The following TRAM2 variants were observed in gnomAD, a reference collection of about 807,000 sequenced individuals.
The protein encoded by TRAM2 is translocating chain-associated membrane protein 2.
TRAM2 carries 12 observed loss-of-function variants against 51.0 expected under a neutral mutation model. The ratio of observed to expected loss-of-function variants is 0.24; its 90% CI spans 0.15 to 0.38. The LOEUF (loss-of-function observed/expected upper bound fraction) is 0.38, where lower values mean the gene tolerates loss of function less well. Ranked by LOEUF, TRAM2 falls within the 10% of genes least tolerant of loss-of-function variation. The pLI, the probability that TRAM2 is intolerant of heterozygous loss-of-function variation, is 1.00. For missense variants in TRAM2, 361 were observed against 462.0 expected, an observed-to-expected ratio of 0.78 and a Z score of 2.00; for synonymous variants, 175 against 179.4, an observed-to-expected ratio of 0.98 and a Z score of 0.20.
intron 1 of TRAM2, among the ~76,000 whole-genome samples, chr6:52,573,640 G>C (rs1208389849): frequency 6.6e-6 from 1 of 152,194 alleles, no homozygotes; most frequent in Non-Finnish European, 1.5e-5. Flanking sequence ...GGTGAGGGGA[G>C]AGACAGCCTT....
Position 52,497,856 on chromosome 6 carries a change from T to G in TRAM2, c.*5341A>C, listed in dbSNP as rs2114049704. 1 of 152,332 alleles carries G rather than the reference T, an allele frequency of 6.6e-6. No homozygotes were observed. The highest frequency in any genetic ancestry group is 2.1e-4 in the South Asian group (1 of 4,826). 9.4% of individuals were successfully genotyped at this position (152,332 alleles called of 1,614,324 possible). A position where few individuals can be genotyped will look rare whatever the true frequency, so the allele number is the denominator to read the frequency against. ...TATTTACTGTCACAGCTAGACCCTA[T>G]CAGGTGAACAGGGCTCTCCACCTGC... On this transcript the variant is annotated 3_prime_UTR_variant, in exon 11 of 11. Coordinates refer to ENST00000182527, the MANE Select transcript of TRAM2 (RefSeq NM_012288.4).
At chr6:52,550,903 C>A (rs1223201837) in intron 1 of TRAM2, among the ~76,000 whole-genome samples, 1 of 152,184 alleles carries the variant, frequency 6.6e-6, no homozygotes, top group East Asian at 1.9e-4. Context: ...AATTATCCTC[C>A]ACACACATCC....
At chr6:52,543,257 C>T (rs1391836016) in intron 1 of TRAM2, among the ~76,000 whole-genome samples, 4 of 152,230 alleles carry the variant, frequency 2.6e-5, no homozygotes, top group Non-Finnish European at 4.4e-5. Context: ...CCTGCCCCCA[C>T]CAAGTAGCTT....
intron 2 of TRAM2, chr6:52,524,427 C>T (rs928635727): frequency 6.7e-6 from 1 of 149,480 alleles, no homozygotes; most frequent in African/African-American, 2.5e-5. Context: ...GGTGGGTACA[C>T]AAGACACAAC....
intron 2 of TRAM2, among the ~76,000 whole-genome samples, chr6:52,529,369 C>T (rs544334373): frequency 6.7e-6 from 1 of 150,362 alleles, no homozygotes; most frequent in African/African-American, 2.5e-5. Context: ...CCCTATCCTA[C>T]CTTTGAGGTT....
At chr6:52,550,472 A>G (rs1767287750) in intron 1 of TRAM2, among the ~76,000 whole-genome samples, 1 of 152,242 alleles carries the variant, frequency 6.6e-6, no homozygotes, top group African/African-American at 2.4e-5. Context: ...ATGCTACTCA[A>G]ATAAAAGAAT....
At chr6:52,550,084 C>A (rs1415682971) in intron 1 of TRAM2, among the ~76,000 whole-genome samples, 1 of 152,182 alleles carries the variant, frequency 6.6e-6, no homozygotes, top group African/African-American at 2.4e-5. Flanking sequence ...ACAGCTTCAC[C>A]TTTATGGAGT....
intron 1 of TRAM2, among the ~76,000 whole-genome samples, chr6:52,546,905 G>C (rs2268720): frequency 0.39 from 58,737 of 152,114 alleles, 11,519 homozygotes; most frequent in Admixed American, 0.52. Context: ...TGGGTCCCAA[G>C]TGCCTACAAC....
chr6:52,553,877 C>CT (rs1223573683), intron 1 of TRAM2, among the ~76,000 whole-genome samples: 5 of 152,250 alleles, frequency 3.3e-5, no homozygotes, highest in Admixed American at 3.3e-4. Context: ...GTCATTCTTC[C>CT]TCTTGTTTTT....
chr6:52,522,035 C>T (rs973796215), intron 2 of TRAM2, among the ~76,000 whole-genome samples: 2 of 152,164 alleles, frequency 1.3e-5, no homozygotes, highest in Admixed American at 6.5e-5. Flanking sequence ...ATACAGAGGC[C>T]CACTGCATTA....
chr6:52,510,770 T>C (rs1226115491), intron 4 of TRAM2, among the ~76,000 whole-genome samples: 2 of 152,178 alleles, frequency 1.3e-5, no homozygotes, highest in Admixed American at 6.5e-5. Flanking sequence ...TTAGAATTAA[T>C]AGTGTGGTGG....
chr6:52,509,576 A>G lies in TRAM2; in HGVS notation c.422T>C (p.Leu141Ser). Residue 141 changes from leucine (L) to serine (S), a missense_variant, in exon 5 of 11, where the codon TTA becomes TCA. Coordinates refer to ENST00000182527, the MANE Select transcript of TRAM2 (RefSeq NM_012288.4). Reference protein sequence around the residue: ...CFYVVVTEGYLTNPRSLWEDY... With the variant: ...CFYVVVTEGYSTNPRSLWEDY... Reference sequence around the variant, plus strand: ...TTCCCAGAGGCTTCTTGGGTTTGTTAAGTATCCTTCCTGCAGTGGGCAAGA... The same window carrying G: ...TTCCCAGAGGCTTCTTGGGTTTGTTGAGTATCCTTCCTGCAGTGGGCAAGA... The G allele has an allele frequency of 6.2e-7, 1 of 1,614,034 alleles. No individual in the cohort carries two copies. Among genetic ancestry groups the G allele is most frequent in the Non-Finnish European group, 8.5e-7 (1 of 1,179,986 alleles).
intron 7 of TRAM2, among the ~76,000 whole-genome samples, chr6:52,507,280 T>C (rs1283933410): frequency 6.6e-6 from 1 of 152,206 alleles, no homozygotes; most frequent in African/African-American, 2.4e-5. Context: ...GTTGAGGGTC[T>C]TCTTCTGGGT....
chr6:52,570,992 T>C (rs886176303), intron 1 of TRAM2, among the ~76,000 whole-genome samples: 2 of 151,990 alleles, frequency 1.3e-5, no homozygotes, highest in Admixed American at 1.3e-4. Flanking sequence ...GTCTAAGTAA[T>C]AGAATGTATA....
At position 52,505,746 on chromosome 6, in the gene TRAM2, C is replaced by T. The variant is rs1766336016; in HGVS notation, c.732-4G>A. The T allele has an allele frequency of 1.2e-6, 2 of 1,601,712 alleles. No homozygotes were observed. Among genetic ancestry groups the T allele is most frequent in the South Asian group, 1.1e-5 (1 of 89,496 alleles). On this transcript the variant is annotated splice_region_variant and splice_polypyrimidine_tract_variant and intron_variant, in intron 8 of 10. Transcript: ENST00000182527. ...AACAGCAGCCCAGGCACTGAACCTG[C>T]TCACAGAGGCAGAAGAGGGATGTCA...
At chr6:52,505,053 T>G (rs955603204) in intron 9 of TRAM2, among the ~76,000 whole-genome samples, 3 of 152,274 alleles carry the variant, frequency 2.0e-5, no homozygotes, top group Non-Finnish European at 2.9e-5. Flanking sequence ...TGGCTGTGTC[T>G]GTTTTGCGCC....
chr6:52,569,402 A>G (rs936763485), intron 1 of TRAM2, among the ~76,000 whole-genome samples: 3 of 151,716 alleles, frequency 2.0e-5, no homozygotes, highest in Non-Finnish European at 4.4e-5. Flanking sequence ...AAAAAAAAAA[A>G]AAAAAGAAAG....
chr6:52,528,564 T>C (rs1157750009), intron 2 of TRAM2, among the ~76,000 whole-genome samples: 2 of 152,132 alleles, frequency 1.3e-5, no homozygotes, highest in Non-Finnish European at 2.9e-5. Context: ...AAACCATCTG[T>C]CTGAGGTTGT....
At chr6:52,554,027 C>T (rs1314010189) in intron 1 of TRAM2, among the ~76,000 whole-genome samples, 1 of 152,154 alleles carries the variant, frequency 6.6e-6, no homozygotes, top group Non-Finnish European at 1.5e-5. Flanking sequence ...GACACCCCAA[C>T]CTGCCAGCCC....
Sources: gnomAD v4.1 joint callset for allele counts (sites outside exome capture counted in the v4.1 genomes callset) on GRCh38, gnomAD v4.1.1 for gene constraint, MANE v1.5 for transcripts, NCBI Gene and HGNC (gene_info 2026-07-23, HGNC 2026-07-21) for gene names.